E2F3: variants seen among roughly 807,000 people sequenced by gnomAD.
E2F3 encodes the protein transcription factor E2F3.
E2F3 carries 11 observed loss-of-function variants against 44.4 expected under a neutral mutation model. The ratio of observed to expected loss-of-function variants is 0.25; its 90% confidence interval spans 0.16 to 0.41. The LOEUF (loss-of-function observed/expected upper bound fraction) is 0.41, where lower values mean the gene tolerates loss of function less well. E2F3 is among the 10% of genes least tolerant of loss of function. The probability of loss-of-function intolerance (pLI) is 1.00; values close to 1 mark genes in which losing one functional copy is unlikely to be tolerated. For synonymous variants in E2F3, 249 were observed against 253.0 expected (o/e 0.98, Z 0.15); for missense variants, 487 against 583.6 (o/e 0.83, Z 1.70).
intron 1 of E2F3, among the ~76,000 whole-genome samples, chr6:20,407,664 C>G (rs1191392154): frequency 6.6e-6 from 1 of 152,184 alleles, no homozygotes; most frequent in Admixed American, 6.5e-5. Context: ...TACCTTTAAC[C>G]TCTTTCCTAG....
At chr6:20,425,635 C>T (rs1305812908) in intron 1 of E2F3, among the ~76,000 whole-genome samples, 7 of 152,102 alleles carry the variant, frequency 4.6e-5, no homozygotes, top group East Asian at 3.9e-4. Context: ...GTGATCTGCC[C>T]GCCCGCCCCG....
At chr6:20,413,503 G>A (rs1237275582) in intron 1 of E2F3, among the ~76,000 whole-genome samples, 4 of 152,194 alleles carry the variant, frequency 2.6e-5, no homozygotes, top group Non-Finnish European at 4.4e-5. Flanking sequence ...CTCCCAGGTT[G>A]TAGCCCAGGC....
At chr6:20,456,316 A>T (rs1287678558) in intron 1 of E2F3, among the ~76,000 whole-genome samples, 1 of 151,020 alleles carries the variant, frequency 6.6e-6, no homozygotes, top group Non-Finnish European at 1.5e-5. Context: ...CCCCAGTTAA[A>T]AAAAAAAAAA....
intron 5 of E2F3, 91 bp downstream of exon 5, chr6:20,486,894 C>G (rs1581661100): frequency 6.4e-6 from 5 of 782,974 alleles, no homozygotes; most frequent in Admixed American, 2.7e-5. Flanking sequence ...AAGTCTGTCC[C>G]CCTCCTATGA....
Position 20,493,640 on chromosome 6 carries a change from TA to T in E2F3, c.*3211del, listed in dbSNP as rs781575132. 2.6e-4 allele frequency: 52 copies of T among 203,344 alleles called. No individual in the cohort carries two copies. Among genetic ancestry groups the T allele is most frequent in the Non-Finnish European group, 4.3e-4 (43 of 98,894 alleles). The allele number at this position is 203,344 out of a possible 1,614,324, so 12.6% of individuals were successfully genotyped here. On this transcript the variant is annotated 3_prime_UTR_variant, in exon 7 of 7. Coordinates refer to ENST00000346618, the MANE Select transcript of E2F3 (RefSeq NM_001949.5). ...GTGACCTGTTCTCTAGCTGTGATCTTACCACTTCAAATGGGTGTAATTTGAA... is the reference window on the plus strand; with the variant it reads ...GTGACCTGTTCTCTAGCTGTGATCTTCCACTTCAAATGGGTGTAATTTGAA...
chr6:20,443,667 A>G (rs997483797), intron 1 of E2F3, among the ~76,000 whole-genome samples: 4 of 152,080 alleles, frequency 2.6e-5, no homozygotes, highest in African/African-American at 9.7e-5. Flanking sequence ...GCAATGCTAG[A>G]GGTAAGAAAG....
chr6:20,483,598 C>G (rs1020017496), intron 4 of E2F3, among the ~76,000 whole-genome samples: 10 of 152,216 alleles, frequency 6.6e-5, no homozygotes, highest in Admixed American at 5.2e-4. Flanking sequence ...AAGGTCAGTT[C>G]TTGTTCTCAA....
At chr6:20,425,704 A>C in intron 1 of E2F3, among the ~76,000 whole-genome samples, 1 of 152,130 alleles carries the variant, frequency 6.6e-6, no homozygotes, top group South Asian at 2.1e-4. Flanking sequence ...GGCCCCTTCT[A>C]CCTTTTAGAA....
At chr6:20,458,114 A>T (rs1761375289) in intron 1 of E2F3, among the ~76,000 whole-genome samples, 1 of 152,120 alleles carries the variant, frequency 6.6e-6, no homozygotes, top group African/African-American at 2.4e-5. Context: ...GTGGCTCATT[A>T]TGAAGTAGAA....
rs576094819 is a variant in E2F3, at chr6:20,464,541, G to A, written c.394-15305G>A. 3.3e-5 allele frequency among the ~76,000 whole-genome samples: 5 copies of A among 152,308 alleles called. No individual in the cohort carries two copies. In the East Asian group the frequency reaches 9.6e-4, roughly 29 times the overall value. On this transcript the variant is annotated intron_variant, in intron 1 of 6. Coordinates refer to ENST00000346618, the MANE Select transcript of E2F3 (RefSeq NM_001949.5). ...GGGTCATTTTGTGTTCTTCAGTCTA[G>A]GCTCCACACAGGACTATGCCTCCAG...
At position 20,472,068 on chromosome 6, in the gene E2F3, ACT is replaced by A. The variant is rs1554140461; in HGVS notation, c.394-7776_394-7775del. 4.0e-3 allele frequency among the ~76,000 whole-genome samples: 594 copies of A among 147,618 alleles called. 1 individual carries two copies. Among genetic ancestry groups the A allele is most frequent in the African/African-American group, 0.014 (566 of 39,634 alleles). ...CACACACACACACACACACACACAC[ACT>A]CACATCTATCCCTTCTGCAGGTTGG... On this transcript the variant is annotated intron_variant, in intron 1 of 6. Transcript: ENST00000346618.
Position 20,482,781 on chromosome 6 carries a change from G to A in E2F3, c.745G>A (p.Asp249Asn), listed in dbSNP as rs773392417. 2 of 1,611,154 alleles carry A rather than the reference G, an allele frequency of 1.2e-6. No individual in the cohort carries two copies. Among genetic ancestry groups the A allele is most frequent in the East Asian group, 2.2e-5 (1 of 44,860 alleles). ...VQWMGCSLSE[D>N]GGMLAQCQGL... ...TTCTAGGGGCTGCAGTCTGTCTGAG[G>A]ATGGGGGCATGCTGGCCCAGTGTCA... Residue 249 changes from aspartate to asparagine, a missense_variant, in exon 4 of 7, where the codon GAT becomes AAT. Physicochemically the swap from Asp to Asn is conservative, Grantham distance 23 (BLOSUM62 1). This residue lies in a region of E2F3 where 220 missense variants were observed against 261.7 expected (regional missense o/e 0.84). Coordinates refer to ENST00000346618, the MANE Select transcript of E2F3 (RefSeq NM_001949.5).
chr6:20,459,085 G>A (rs940085397), intron 1 of E2F3, among the ~76,000 whole-genome samples: 3 of 152,188 alleles, frequency 2.0e-5, no homozygotes, highest in Non-Finnish European at 4.4e-5. Flanking sequence ...GGCCAACATG[G>A]TGAAACCCCG....
chr6:20,482,045 GTATTGAAT>G (rs1762239785), intron 3 of E2F3, among the ~76,000 whole-genome samples: 2 of 152,108 alleles, frequency 1.3e-5, no homozygotes, highest in Non-Finnish European at 2.9e-5. Flanking sequence ...TATAAGCACA[GTATTGAAT>G]TATTAAAGCA....
At position 20,492,037 on chromosome 6, in the gene E2F3, G is replaced by A. The variant is rs1762566863; in HGVS notation, c.*1607G>A. On this transcript the variant is annotated 3_prime_UTR_variant, in exon 7 of 7. Transcript: ENST00000346618. ...TGCGGGAATGAGGGAGTCAGATAAA[G>A]AACAAACCTCGAAACGAACAGTTAA... is the stretch of plus-strand genomic sequence containing the variant. 1 of 194,348 alleles carries A rather than the reference G, an allele frequency of 5.1e-6. No homozygotes were observed. Among genetic ancestry groups the A allele is most frequent in the Non-Finnish European group, 1.1e-5 (1 of 93,238 alleles). 12.0% of individuals were successfully genotyped at this position (194,348 alleles called of 1,614,324 possible). A position where few individuals can be genotyped will look rare whatever the true frequency, so the allele number is the denominator to read the frequency against.
intron 3 of E2F3, among the ~76,000 whole-genome samples, chr6:20,481,972 C>T (rs1028391481): frequency 1.3e-5 from 2 of 152,130 alleles, no homozygotes; most frequent in Admixed American, 1.3e-4. Context: ...GATACTTATA[C>T]AGCCACACGT....
intron 1 of E2F3, among the ~76,000 whole-genome samples, chr6:20,416,442 A>G (rs977312078): frequency 6.6e-6 from 1 of 152,186 alleles, no homozygotes; most frequent in Non-Finnish European, 1.5e-5. Flanking sequence ...TTTGTGTCAT[A>G]GTTGGTGAAG....
At chr6:20,403,826 G>A in intron 1 of E2F3, 1 of 1,497,838 alleles carries the variant, frequency 6.7e-7, no homozygotes, top group Non-Finnish European at 8.9e-7. Flanking sequence ...TGCCCTTACA[G>A]CAGCAGGTTA....
At chr6:20,460,991 A>C in intron 1 of E2F3, among the ~76,000 whole-genome samples, 1 of 65,642 alleles carries the variant, frequency 1.5e-5, no homozygotes, top group Non-Finnish European at 2.7e-5. Flanking sequence ...GCAAGACTCT[A>C]TCTCCAAAAA....
Sources: allele counts gnomAD v4.1 joint callset (sites outside exome capture counted in the v4.1 genomes callset), GRCh38; gene constraint gnomAD v4.1.1; regional missense constraint gnomAD v4.1.1; transcripts MANE v1.5; gene names NCBI Gene and HGNC (gene_info 2026-07-23, HGNC 2026-07-21).